HTR1F: variants seen among roughly 807,000 people sequenced by gnomAD.
The protein encoded by HTR1F is 5-hydroxytryptamine (serotonin) receptor 1F, G protein-coupled.
HTR1F carries 17 observed loss-of-function variants against 24.0 expected under a neutral mutation model. The ratio of observed to expected loss-of-function variants is 0.71; its 90% CI spans 0.48 to 1.06. The LOEUF (loss-of-function observed/expected upper bound fraction) is 1.06. Among genes scored for constraint, HTR1F ranks in the 50% least tolerant of loss-of-function variants. HTR1F has a pLI of 0.00. For missense variants in HTR1F, 391 were observed against 427.8 expected, an observed-to-expected ratio of 0.91 and a Z score of 0.76; for synonymous variants, 186 against 156.8, an observed-to-expected ratio of 1.19 and a Z score of -1.39.
Position 87,990,839 on chromosome 3 carries a change from G to T in HTR1F, c.90G>T (p.Leu30=), listed in dbSNP as rs367842013. The change falls in exon 3 of 3, where the codon CTG becomes CTT. Residue 30 remains leucine (L), a synonymous_variant. Transcript: ENST00000319595. ...CCAAAATTCTGGTGTCCCTCACTCTGTCTGGGCTGGCACTGATGACAACAA... is the reference window on the plus strand; with the variant it reads ...CCAAAATTCTGGTGTCCCTCACTCTTTCTGGGCTGGCACTGATGACAACAA... ...MPSKILVSLT[L]SGLALMTTTI... 3.1e-6 allele frequency: 5 copies of T among 1,614,042 alleles called. No homozygotes were observed. Among genetic ancestry groups the T allele is most frequent in the Non-Finnish European group, 4.2e-6 (5 of 1,180,014 alleles).
chr3:87,948,880 T>C (rs946308291), intron 2 of HTR1F, among the ~76,000 whole-genome samples: 2 of 152,218 alleles, frequency 1.3e-5, no homozygotes, highest in Admixed American at 1.3e-4. Flanking sequence ...AGCCATATTA[T>C]AGAACCTTGC....
chr3:87,799,162 A>G (rs1272377287), intron 1 of HTR1F, among the ~76,000 whole-genome samples: 1 of 152,130 alleles, frequency 6.6e-6, no homozygotes, highest in Non-Finnish European at 1.5e-5. Context: ...GCTTTCTTAT[A>G]AAAAAATTTC....
rs76713363 is a variant in HTR1F at position 87,855,589 on chromosome 3, T to C, written c.-43+33465T>C. On this transcript the variant is annotated intron_variant, in intron 2 of 2. Transcript: ENST00000319595. ...TTAGGGGGCCACATTTTTAGAATTT[T>C]TTTTCTCTGTCCATTGTATTACTTA... is the stretch of plus-strand genomic sequence containing the variant. Among the ~76,000 whole-genome samples the C allele has an allele frequency of 4.3e-3, 651 of 152,200 alleles. 9 individuals are homozygous for C. The highest frequency in any genetic ancestry group is 0.015 in the African/African-American group (628 of 41,574).
intron 2 of HTR1F, among the ~76,000 whole-genome samples, chr3:87,910,540 A>G (rs1207694957): frequency 6.6e-6 from 1 of 152,070 alleles, no homozygotes; most frequent in Non-Finnish European, 1.5e-5. Context: ...TCAACACTCC[A>G]CTGACAGTAT....
Position 87,893,484 on chromosome 3 carries a change from A to T in HTR1F, c.-43+71360A>T, listed in dbSNP as rs190834764. ...TTTGCAGATTATTATTAGAAATATC[A>T]ATCCATTGACTCATCTATTTGATAC... On this transcript the variant is annotated intron_variant, in intron 2 of 2. Coordinates refer to ENST00000319595, the MANE Select transcript of HTR1F (RefSeq NM_001322209.2). Among the ~76,000 whole-genome samples the T allele has an allele frequency of 2.0e-5, 3 of 152,344 alleles. No individual in the cohort carries two copies. In the East Asian group the frequency reaches 5.8e-4, roughly 29 times the overall value.
intron 2 of HTR1F, among the ~76,000 whole-genome samples, chr3:87,837,582 G>A (rs1704707080): frequency 6.6e-6 from 1 of 152,074 alleles, no homozygotes; most frequent in Non-Finnish European, 1.5e-5. Flanking sequence ...TCAGAGAGAG[G>A]AAACTGGATT....
chr3:87,984,494 G>A (rs1008464430), intron 2 of HTR1F, among the ~76,000 whole-genome samples: 10 of 151,920 alleles, frequency 6.6e-5, no homozygotes, highest in South Asian at 2.1e-4. Context: ...TTGCTCTTTC[G>A]CTTCTGTTGC....
intron 2 of HTR1F, among the ~76,000 whole-genome samples, chr3:87,969,491 C>T (rs181607551): frequency 6.6e-6 from 1 of 152,334 alleles, no homozygotes; most frequent in Non-Finnish European, 1.5e-5. Flanking sequence ...GGATTTTGGA[C>T]TTTCACGGGG....
At chr3:87,946,438 A>C (rs1050060271) in intron 2 of HTR1F, among the ~76,000 whole-genome samples, 1 of 152,116 alleles carries the variant, frequency 6.6e-6, no homozygotes, top group Non-Finnish European at 1.5e-5. Context: ...TAACCAAAGA[A>C]CATAACATTT....
At chr3:87,927,097 G>A (rs1464473189) in intron 2 of HTR1F, among the ~76,000 whole-genome samples, 2 of 152,130 alleles carry the variant, frequency 1.3e-5, no homozygotes, top group Admixed American at 1.3e-4. Flanking sequence ...CAGAAGACTT[G>A]CCCACACTCA....
chr3:87,929,847 C>G (rs1169663644), intron 2 of HTR1F, among the ~76,000 whole-genome samples: 3 of 152,018 alleles, frequency 2.0e-5, no homozygotes, highest in Middle Eastern at 3.2e-3. Context: ...AATGTCCTTG[C>G]TAGATTGATA....
chr3:87,905,001 G>T (rs1415055114), intron 2 of HTR1F, among the ~76,000 whole-genome samples: 2 of 151,918 alleles, frequency 1.3e-5, no homozygotes, highest in East Asian at 1.9e-4. Flanking sequence ...ATATAGTTTT[G>T]TTCTTCAATG....
intron 2 of HTR1F, among the ~76,000 whole-genome samples, chr3:87,875,876 A>T (rs1705660413): frequency 6.6e-6 from 1 of 150,516 alleles, no homozygotes; most frequent in African/African-American, 2.4e-5. Flanking sequence ...GTGAGCCAAG[A>T]TCACGCTACT....
chr3:87,914,948 C>G (rs547265653), intron 2 of HTR1F, among the ~76,000 whole-genome samples: 94 of 152,156 alleles, frequency 6.2e-4, no homozygotes, highest in Non-Finnish European at 1.9e-4. Context: ...TATTTCACCC[C>G]CCTACCACCT....
chr3:87,856,424 C>T (rs1329169434), intron 2 of HTR1F, among the ~76,000 whole-genome samples: 1 of 151,486 alleles, frequency 6.6e-6, no homozygotes, highest in Admixed American at 6.6e-5. Flanking sequence ...ACAGTGAACC[C>T]AAAACTGCTC....
At chr3:87,928,700 T>C (rs1704187588) in intron 2 of HTR1F, among the ~76,000 whole-genome samples, 1 of 152,234 alleles carries the variant, frequency 6.6e-6, no homozygotes, top group African/African-American at 2.4e-5. Flanking sequence ...CCATTCATTC[T>C]ATTATGTATC....
intron 2 of HTR1F, among the ~76,000 whole-genome samples, chr3:87,966,615 A>G (rs1705167838): frequency 6.6e-6 from 1 of 152,164 alleles, no homozygotes; most frequent in African/African-American, 2.4e-5. Context: ...TTGATGACTC[A>G]ATTCAAGTGA....
chr3:87,987,846 T>G (rs1352482591), intron 2 of HTR1F, among the ~76,000 whole-genome samples: 1 of 145,504 alleles, frequency 6.9e-6, no homozygotes, highest in Non-Finnish European at 1.5e-5. Context: ...ATGTATTATA[T>G]GTATATATGT....
At chr3:87,841,033 A>G (rs992932128) in intron 2 of HTR1F, among the ~76,000 whole-genome samples, 4 of 151,968 alleles carry the variant, frequency 2.6e-5, no homozygotes, top group Non-Finnish European at 5.9e-5. Flanking sequence ...AAGAAAATAT[A>G]ATTAATAATT....
Sources: gnomAD v4.1 joint callset for allele counts (sites outside exome capture counted in the v4.1 genomes callset) on GRCh38, gnomAD v4.1.1 for gene constraint, MANE v1.5 for transcripts, NCBI Gene and HGNC (gene_info 2026-07-23, HGNC 2026-07-21) for gene names.